Variants in TNS3 observed in about 807,000 individuals in gnomAD.
TNS3 encodes the protein tensin 3.
Under a neutral mutation model 140.9 loss-of-function variants are expected in TNS3, and 45 were observed. The observed-to-expected ratio is 0.32, with a 90% CI of 0.25 to 0.41. The LOEUF is 0.41. TNS3 is among the 10% of genes least tolerant of loss of function. TNS3 has a pLI of 1.00. For synonymous variants in TNS3, 815 were observed against 788.4 expected (o/e 1.03, Z -0.56); for missense variants, 1,716 against 1,906.7 (o/e 0.90, Z 1.86).
chr7:47,554,449 G>T (rs1800145056), intron 1 of TNS3, among the ~76,000 whole-genome samples: 2 of 150,884 alleles, frequency 1.3e-5, no homozygotes, highest in South Asian at 4.2e-4. Flanking sequence ...AACAAATCTG[G>T]AAAAGATTCA....
Position 47,297,223 on chromosome 7 carries a change from G to A in TNS3, c.3545-10C>T. Reference sequence around the variant, plus strand: ...TTCAACATGGCGATGGCTGGAGAAAGGGAGGAGAAAGACAAGAAGGTCTGC... The same window carrying A: ...TTCAACATGGCGATGGCTGGAGAAAAGGAGGAGAAAGACAAGAAGGTCTGC... On this transcript the variant is annotated splice_polypyrimidine_tract_variant and intron_variant, in intron 23 of 30. Coordinates refer to ENST00000311160, the MANE Select transcript of TNS3 (RefSeq NM_022748.12). 2 of 1,606,366 alleles carry A rather than the reference G, an allele frequency of 1.2e-6. No homozygotes were observed. Among genetic ancestry groups the A allele is most frequent in the Non-Finnish European group, 1.7e-6 (2 of 1,176,674 alleles).
rs946711095 is a variant in TNS3, at chr7:47,407,461, C to T, written c.723+4266G>A. Among the ~76,000 whole-genome samples the T allele has an allele frequency of 6.6e-6, 1 of 152,228 alleles. No individual in the cohort carries two copies. The highest frequency in any genetic ancestry group is 2.4e-5 in the African/African-American group (1 of 41,472). On this transcript the variant is annotated intron_variant, in intron 13 of 30. Coordinates refer to ENST00000311160, the MANE Select transcript of TNS3 (RefSeq NM_022748.12). The surrounding 1 kb of genome is among the most constrained non-coding windows in gnomAD (Gnocchi z 4.1). ...ACCGCATCTTCTCATGCAGGCCGCA[C>T]GCTGAACGTGCTCAGGATAAAGGCT...
chr7:47,346,076 T>TGTGGGCTGTATTCAGGGAC, intron 18 of TNS3, 111 bp downstream of exon 18: 1 of 1,379,594 alleles, frequency 7.2e-7, no homozygotes, highest in South Asian at 1.3e-5. Flanking sequence ...CGGAGGATAA[T>TGTGGGCTGTATTCAGGGAC]GTGGGCTGTA....
chr7:47,537,505 G>A (rs377494468), intron 1 of TNS3, among the ~76,000 whole-genome samples: 2 of 152,200 alleles, frequency 1.3e-5, no homozygotes, highest in East Asian at 2.0e-4. Context: ...CTTCCAGGCG[G>A]GGGGAGCAGG....
chr7:47,336,842 C>T (rs931725439), intron 20 of TNS3, among the ~76,000 whole-genome samples: 10 of 152,280 alleles, frequency 6.6e-5, no homozygotes, highest in South Asian at 2.1e-4. Context: ...TTTGGTCACC[C>T]TATTGCGTTA....
At chr7:47,386,305 C>T (rs905765245) in intron 16 of TNS3, among the ~76,000 whole-genome samples, 10 of 152,222 alleles carry the variant, frequency 6.6e-5, no homozygotes, top group African/African-American at 2.2e-4. Context: ...GGAGCGCACA[C>T]AGGACATTTG....
At chr7:47,520,686 G>A (rs61531546) in intron 2 of TNS3, among the ~76,000 whole-genome samples, 2 of 152,146 alleles carry the variant, frequency 1.3e-5, no homozygotes, top group South Asian at 2.1e-4. Context: ...GCTTCCCATC[G>A]GATAACCACC....
chr7:47,529,887 T>A (rs1257848892), intron 1 of TNS3, among the ~76,000 whole-genome samples: 1 of 152,256 alleles, frequency 6.6e-6, no homozygotes, highest in Non-Finnish European at 1.5e-5. Context: ...TTAATATCCA[T>A]ATGGATTCAG....
rs868227728 is a variant in TNS3, at chr7:47,508,602, G to A, written c.-152-1658C>T. Among the ~76,000 whole-genome samples, 8 of 152,200 alleles carry A rather than the reference G, an allele frequency of 5.3e-5. No individual in the cohort carries two copies. The South Asian group carries it at 6.2e-4, about 12-fold the overall frequency. On this transcript the variant is annotated intron_variant, in intron 2 of 30. Coordinates refer to ENST00000311160, the MANE Select transcript of TNS3 (RefSeq NM_022748.12). ...GTCTAGCAGCATGTCACAGGACCAC[G>A]ACATCATGCAGCGGTTAGCCTTCCA...
chr7:47,505,877 G>C (rs1798398293), intron 3 of TNS3, among the ~76,000 whole-genome samples: 1 of 152,236 alleles, frequency 6.6e-6, no homozygotes. Flanking sequence ...GTATGCCTGA[G>C]ATCGGGAGGG....
intron 2 of TNS3, among the ~76,000 whole-genome samples, chr7:47,510,549 G>T (rs1379224290): frequency 2.0e-5 from 3 of 152,206 alleles, no homozygotes; most frequent in Admixed American, 1.3e-4. Flanking sequence ...GTCAAAATTT[G>T]AGATTTCAAG....
At chr7:47,413,773 G>A (rs1046640608) in intron 12 of TNS3, among the ~76,000 whole-genome samples, 164 bp downstream of exon 12, 1 of 151,890 alleles carries the variant, frequency 6.6e-6, no homozygotes, top group African/African-American at 2.4e-5. Context: ...CTGGAGCACG[G>A]GCCACGAGAG....
intron 26 of TNS3, 84 bp from the exon 27 acceptor site, chr7:47,292,116 A>G: frequency 7.5e-7 from 1 of 1,341,372 alleles, no homozygotes; most frequent in Non-Finnish European, 1.1e-6. Flanking sequence ...ATTTGATGAC[A>G]GAATTCCCAG....
chr7:47,553,628 AAAAG>A (rs1800117516), intron 1 of TNS3, among the ~76,000 whole-genome samples: 1 of 152,202 alleles, frequency 6.6e-6, no homozygotes, highest in Non-Finnish European at 1.5e-5. Context: ...TGCTCAGAAA[AAAAG>A]AGATTCGTTT....
At chr7:47,289,499 CTAATGCTGCAAAAG>C (rs1345105008) in intron 27 of TNS3, among the ~76,000 whole-genome samples, 2 of 152,140 alleles carry the variant, frequency 1.3e-5, no homozygotes, top group Non-Finnish European at 2.9e-5. Flanking sequence ...ACGACTGCAT[CTAATGCTGCAAAAG>C]TAACCTGGCC....
Position 47,303,552 on chromosome 7 carries a change from C to T in TNS3, c.2855G>A (p.Ser952Asn), listed in dbSNP as rs532951012. 3.7e-6 allele frequency: 6 copies of T among 1,601,528 alleles called. No individual in the cohort carries two copies. In the African/African-American group the frequency reaches 5.3e-5, roughly 14 times the overall value. The change falls in exon 22 of 31, where the codon AGC (serine) becomes AAC (asparagine). Residue 952 changes from serine (S) to asparagine (N), a missense_variant. By Grantham distance (46) the Ser-to-Asn change is conservative. Around this residue, in one of 3 missense-constraint regions of TNS3, gnomAD observed 1,163 missense variants for 1,182.1 expected, o/e 0.98. Coordinates refer to ENST00000311160, the MANE Select transcript of TNS3 (RefSeq NM_022748.12). The stretch of plus-strand genomic sequence containing the variant: ...CAGGGAAACCATGGGCTTGGGGCTG[C>T]TCTCCACCCACTGGCGTTCTGCAGA... ...SSSAERQWVE[S>N]SPKPMVSLLG...
chr7:47,346,091 G>A (rs2151001055), intron 18 of TNS3, 96 bp downstream of exon 18: 1 of 1,494,944 alleles, frequency 6.7e-7, no homozygotes, highest in Non-Finnish European at 9.1e-7. Context: ...GCTGTATTCA[G>A]GGACAAGGCC....
At chr7:47,468,561 C>G (rs918172973) in intron 4 of TNS3, among the ~76,000 whole-genome samples, 1 of 152,132 alleles carries the variant, frequency 6.6e-6, no homozygotes, top group African/African-American at 2.4e-5. Flanking sequence ...ATTTAAAATG[C>G]GTGACTACTG....
rs765012669 is a variant in TNS3 at position 47,303,506 on chromosome 7, G to A, written c.2901C>T (p.Thr967=). 1.5e-5 allele frequency: 24 copies of A among 1,608,804 alleles called. No homozygotes were observed. Among genetic ancestry groups the A allele is most frequent in the East Asian group, 2.2e-5 (1 of 44,844 alleles). The change falls in exon 22 of 31, where the codon ACC becomes ACT. Residue 967 remains threonine (T), a synonymous_variant. Coordinates refer to ENST00000311160, the MANE Select transcript of TNS3 (RefSeq NM_022748.12). ...MVSLLGSGRP[T]GSPLSAEFSG... ...AGAACTCAGCGCTGAGGGGACTTCC[G>A]GTGGGCCGGCCGCTCCCCAGCAGGG...
Sources: allele counts gnomAD v4.1 joint callset (sites outside exome capture counted in the v4.1 genomes callset), GRCh38; gene constraint gnomAD v4.1.1; regional missense constraint gnomAD v4.1.1; non-coding constraint Gnocchi (gnomAD v3.1); transcripts MANE v1.5; gene names NCBI Gene and HGNC (gene_info 2026-07-23, HGNC 2026-07-21).